ZC3HAV1: variants seen among roughly 807,000 people sequenced by gnomAD.
The protein encoded by ZC3HAV1 is zinc finger CCCH-type containing, antiviral 1, also known as zinc finger CCCH-type antiviral protein 1.
A neutral mutation model predicts 86.6 loss-of-function variants in ZC3HAV1; 41 were observed. The observed-to-expected ratio is 0.47, with a 90% confidence interval of 0.37 to 0.61. ZC3HAV1 has a LOEUF of 0.61. Ranked by LOEUF, ZC3HAV1 falls within the 20% of genes least tolerant of loss-of-function variation. The pLI is 0.00. For synonymous variants in ZC3HAV1, 421 were observed against 432.1 expected (o/e 0.97, Z 0.32); for missense variants, 964 against 1,141.1 (o/e 0.84, Z 2.24).
At chr7:139,081,318 A>G (rs1817122357) in intron 3 of ZC3HAV1, among the ~76,000 whole-genome samples, 1 of 151,996 alleles carries the variant, frequency 6.6e-6, no homozygotes, top group African/African-American at 2.4e-5. Context: ...GGTAGAAGAG[A>G]CATTTTTTTT....
chr7:139,049,559 GA>G (rs1816064299), intron 12 of ZC3HAV1: 1 of 152,462 alleles, frequency 6.6e-6, no homozygotes, highest in Non-Finnish European at 1.5e-5. Context: ...GCTTCTTCAG[GA>G]AGATTGTCTC....
intron 1 of ZC3HAV1, among the ~76,000 whole-genome samples, chr7:139,100,533 C>CA (rs774352815): frequency 1.1e-3 from 162 of 144,420 alleles, no homozygotes; most frequent in African/African-American, 3.4e-3. Context: ...GGCTCTGTCT[C>CA]AAAAAAAAAC....
At chr7:139,079,211 G>A (rs1303106056) in intron 4 of ZC3HAV1, 1 of 1,536,428 alleles carries the variant, frequency 6.5e-7, no homozygotes, top group Non-Finnish European at 8.7e-7. Flanking sequence ...GTTGCTTGAG[G>A]AAAGGGCAGC....
At chr7:139,051,301 G>T (rs1364792430) in intron 12 of ZC3HAV1, among the ~76,000 whole-genome samples, 2 of 151,818 alleles carry the variant, frequency 1.3e-5, no homozygotes, top group Non-Finnish European at 2.9e-5. Context: ...CAAGTGATCT[G>T]CCTGTCTCGG....
In ZC3HAV1 at chr7:139,043,728, C is replaced by T. The variant is rs1462599693; in HGVS notation, c.*3866G>A. On this transcript the variant is annotated 3_prime_UTR_variant, in exon 13 of 13. Transcript: ENST00000242351. The stretch of plus-strand genomic sequence containing the variant: ...ACTCAACCCTCAGGGGGCTTACATT[C>T]TAATGCAGAAAGCAGATAATTTCAG... 6.6e-6 allele frequency: 1 copy of T among 152,146 alleles called. No individual in the cohort carries two copies. The highest frequency in any genetic ancestry group is 1.5e-5 in the Non-Finnish European group (1 of 68,040). The allele number at this position is 152,146 out of a possible 1,614,324, so 9.4% of individuals were successfully genotyped here. A position where few individuals can be genotyped will look rare whatever the true frequency, so the allele number is the denominator to read the frequency against.
intron 1 of ZC3HAV1, among the ~76,000 whole-genome samples, chr7:139,104,454 C>T (rs1584877480): frequency 6.6e-6 from 1 of 152,128 alleles, no homozygotes; most frequent in Admixed American, 6.6e-5. Flanking sequence ...TGGCTCACGC[C>T]TGTAATCCCA....
rs962233998 is a variant in ZC3HAV1, at chr7:139,044,435, A to G, written c.*3159T>C. ...ACATAATGAAATTCATCTTCTTTTC[A>G]TTATAAATTTCTTCTTTTCTATTTC... On this transcript the variant is annotated 3_prime_UTR_variant, in exon 13 of 13. Transcript: ENST00000242351. 1.5e-4 allele frequency: 23 copies of G among 152,314 alleles called. No individual in the cohort carries two copies. The East Asian group carries it at 3.9e-3, about 26-fold the overall frequency. The allele number at this position is 152,314 out of a possible 1,614,324, so 9.4% of individuals were successfully genotyped here. A position where few individuals can be genotyped will look rare whatever the true frequency, so the allele number is the denominator to read the frequency against.
intron 7 of ZC3HAV1, among the ~76,000 whole-genome samples, chr7:139,070,536 C>T (rs184322642): frequency 0.011 from 1,654 of 151,252 alleles, 37 homozygotes; most frequent in African/African-American, 0.038. Flanking sequence ...CGGTGGCGGG[C>T]GCCTGTAGTC....
In ZC3HAV1 at chr7:139,055,223, T is replaced by A. The variant is rs572810710; in HGVS notation, c.2169A>T (p.Leu723=). 20 of 1,613,072 alleles carry A rather than the reference T, an allele frequency of 1.2e-5. 1 individual carries two copies. The South Asian group carries it at 2.2e-4, about 18-fold the overall frequency. The change falls in exon 10 of 13, where the codon CTA becomes CTT. Residue 723 remains leucine, a synonymous_variant. Coordinates refer to ENST00000242351, the MANE Select transcript of ZC3HAV1 (RefSeq NM_020119.4). ...CAAGTACCTTATATTTCTTTGAGGA[T>A]AGGAAGCAAAAGTCCTCCTGAGGAC... ...TFRPQEDFCF[L]SSKKYKLSEI...
Position 139,109,402 on chromosome 7 carries a change from C to T in ZC3HAV1, c.-71G>A. Reference sequence around the variant, plus strand: ...CGCGGAAATCGGAAATCGAAACTTACAAGTGTCCAGGGGCGGGCGCGGGCG... The same window carrying T: ...CGCGGAAATCGGAAATCGAAACTTATAAGTGTCCAGGGGCGGGCGCGGGCG... On this transcript the variant is annotated 5_prime_UTR_variant, in exon 1 of 13. Transcript: ENST00000242351. 2 of 1,461,466 alleles carry T rather than the reference C, an allele frequency of 1.4e-6. No individual in the cohort carries two copies. The highest frequency in any genetic ancestry group is 1.8e-6 in the Non-Finnish European group (2 of 1,108,690). The allele number at this position is 1,461,466 out of a possible 1,614,324, so 90.5% of individuals were successfully genotyped here.
rs1817060153 is a variant in ZC3HAV1, at chr7:139,079,494, C to T, written c.1447G>A (p.Asp483Asn). The T allele has an allele frequency of 6.2e-7, 1 of 1,614,070 alleles. No homozygotes were observed. The highest frequency in any genetic ancestry group is 8.5e-7 in the Non-Finnish European group (1 of 1,180,038). Residue 483 changes from aspartate (D) to asparagine (N), a missense_variant, in exon 4 of 13, where the codon GAC becomes AAC. Coordinates refer to ENST00000242351, the MANE Select transcript of ZC3HAV1 (RefSeq NM_020119.4). Reference protein sequence around the residue: ...QATGRIADDADPRVALVNDSL... With the variant: ...QATGRIADDANPRVALVNDSL... Reference sequence around the variant, plus strand: ...CCGTTAACAAGTGCTACTCTTGGGTCAGCATCATCTGCGATTCTGCCAGTG... The same window carrying T: ...CCGTTAACAAGTGCTACTCTTGGGTTAGCATCATCTGCGATTCTGCCAGTG...
At chr7:139,073,294 C>T (rs905077982) in intron 7 of ZC3HAV1, among the ~76,000 whole-genome samples, 56 of 151,550 alleles carry the variant, frequency 3.7e-4, no homozygotes, top group African/African-American at 1.3e-3. Flanking sequence ...AGTGAAACTC[C>T]ATCTCAAAAA....
chr7:139,071,030 T>G (rs1205343778), intron 7 of ZC3HAV1, among the ~76,000 whole-genome samples: 1 of 151,198 alleles, frequency 6.6e-6, no homozygotes, highest in South Asian at 2.1e-4. Flanking sequence ...TTAGAGAACA[T>G]GATTGAACTT....
At chr7:139,056,048 T>C (rs986167017) in intron 9 of ZC3HAV1, among the ~76,000 whole-genome samples, 1 of 152,222 alleles carries the variant, frequency 6.6e-6, no homozygotes, top group African/African-American at 2.4e-5. Context: ...AGCCATCAAT[T>C]GTATAGCATA....
intron 1 of ZC3HAV1, among the ~76,000 whole-genome samples, chr7:139,100,889 C>G (rs374211704): frequency 1.3e-5 from 2 of 152,060 alleles, no homozygotes; most frequent in African/African-American, 4.8e-5. Flanking sequence ...CCCTCTGATG[C>G]GGAGCCGAGG....
At chr7:139,052,380 C>A (rs1470887633) in intron 12 of ZC3HAV1, among the ~76,000 whole-genome samples, 1 of 147,426 alleles carries the variant, frequency 6.8e-6, no homozygotes. Flanking sequence ...CCAAGGCAGG[C>A]AGATCCCCTG....
chr7:139,092,146 G>A (rs1055178988), intron 1 of ZC3HAV1, among the ~76,000 whole-genome samples: 2 of 152,248 alleles, frequency 1.3e-5, no homozygotes, highest in Non-Finnish European at 2.9e-5. Context: ...CAAGGTGATA[G>A]ATGCGGGACT....
Position 139,044,265 on chromosome 7 carries a change from T to C in ZC3HAV1, c.*3329A>G, listed in dbSNP as rs933663241. 6.6e-6 allele frequency: 1 copy of C among 152,200 alleles called. No homozygotes were observed. Among genetic ancestry groups the C allele is most frequent in the Non-Finnish European group, 1.5e-5 (1 of 68,034 alleles). 9.4% of individuals were successfully genotyped at this position (152,200 alleles called of 1,614,324 possible). ...TTTACCCTAACACTGGTTTTCATTC[T>C]AGTGTCCCCCACCCGTCTAGTTTCA... On this transcript the variant is annotated 3_prime_UTR_variant, in exon 13 of 13. Coordinates refer to ENST00000242351, the MANE Select transcript of ZC3HAV1 (RefSeq NM_020119.4).
intron 7 of ZC3HAV1, among the ~76,000 whole-genome samples, chr7:139,066,424 A>G (rs1816610001): frequency 6.6e-6 from 1 of 152,186 alleles, no homozygotes; most frequent in South Asian, 2.1e-4. Flanking sequence ...GGGAGCAGAA[A>G]GCAGTGTTCA....
Sources: allele counts gnomAD v4.1 joint callset (sites outside exome capture counted in the v4.1 genomes callset), GRCh38; gene constraint gnomAD v4.1.1; transcripts MANE v1.5; gene names NCBI Gene and HGNC (gene_info 2026-07-23, HGNC 2026-07-21).